KIF1B: variants seen among roughly 807,000 people sequenced by gnomAD.
KIF1B encodes kinesin family member 1B.
Under a neutral mutation model 241.9 loss-of-function variants are expected in KIF1B, and 76 were observed. The observed-to-expected ratio is 0.31, with a 90% CI of 0.26 to 0.38. The LOEUF (loss-of-function observed/expected upper bound fraction) is 0.38, where lower values mean the gene tolerates loss of function less well. Among genes scored for constraint, KIF1B ranks in the 10% least tolerant of loss-of-function variants. The pLI, the probability that KIF1B is intolerant of heterozygous loss-of-function variation, is 1.00. For synonymous variants in KIF1B, 750 were observed against 796.7 expected (o/e 0.94, Z 0.99); for missense variants, 1,622 against 2,271.4 (o/e 0.71, Z 5.81).
rs1557644253 is a variant in KIF1B at position 10,220,405 on chromosome 1, A to AGATAGATAGAT, written c.-80+9528_-80+9538dup. 9.3e-3 allele frequency among the ~76,000 whole-genome samples: 1,279 copies of AGATAGATAGAT among 137,456 alleles called. 9 individuals are homozygous for AGATAGATAGAT. The highest frequency in any genetic ancestry group is 0.037 in the Middle Eastern group (10 of 272). The allele number at this position is 137,456 out of a possible 152,430, so 90.2% of individuals were successfully genotyped here. ...ATAGATAGATAGATAGATGATAGAT[A>AGATAGATAGAT]GATAGATAGATAGATAGATAGATAG... On this transcript the variant is annotated intron_variant, in intron 1 of 48. Transcript: ENST00000676179.
chr1:10,365,511 C>T lies in KIF1B; in HGVS notation c.4615C>T (p.Leu1539Phe), dbSNP rs779853806. Residue 1539 changes from leucine (L) to phenylalanine (F), a missense_variant, in exon 43 of 49, where the codon CTC becomes TTC. Physicochemically the swap from Leu to Phe is conservative, Grantham distance 22. Coordinates refer to ENST00000676179, the MANE Select transcript of KIF1B (RefSeq NM_001365951.3). The surrounding 1 kb of genome is among the most constrained non-coding windows in gnomAD (Gnocchi z 4.0). ...ATCCCCCAGCCTCAGCAGTGGGACC[C>T]TCAGCACCTCCACCAGTATCTCCTC... ...SLSPSLSSGT[L>F]STSTSISSQI... The T allele has an allele frequency of 1.9e-6, 3 of 1,614,144 alleles. No individual in the cohort carries two copies. Among genetic ancestry groups the T allele is most frequent in the Non-Finnish European group, 2.5e-6 (3 of 1,180,034 alleles).
chr1:10,301,912 C>T (rs1233368369), intron 22 of KIF1B, among the ~76,000 whole-genome samples: 3 of 152,136 alleles, frequency 2.0e-5, no homozygotes, highest in Non-Finnish European at 4.4e-5. Context: ...GTTGTGAAGT[C>T]AGGCTGCTGT....
intron 2 of KIF1B, among the ~76,000 whole-genome samples, chr1:10,236,145 G>A (rs1358627095): frequency 2.0e-5 from 3 of 151,616 alleles, no homozygotes; most frequent in East Asian, 1.9e-4. Flanking sequence ...GGTGATGCGC[G>A]CCTGTAGTCC....
chr1:10,309,241 C>G (rs1206836132), intron 22 of KIF1B, among the ~76,000 whole-genome samples: 1 of 152,176 alleles, frequency 6.6e-6, no homozygotes, highest in African/African-American at 2.4e-5. Context: ...AAATCTGAAA[C>G]TTTAGAGAAG....
At chr1:10,301,554 T>C (rs546008598) in intron 22 of KIF1B, among the ~76,000 whole-genome samples, 79 of 152,048 alleles carry the variant, frequency 5.2e-4, no homozygotes, top group African/African-American at 1.7e-3. Context: ...TAGTCCCAGC[T>C]ACTCGGGAGG....
rs1423473073 is a variant in KIF1B at position 10,326,624 on chromosome 1, C to G, written c.2924+265C>G. 2.6e-5 allele frequency among the ~76,000 whole-genome samples: 4 copies of G among 152,086 alleles called. No individual in the cohort carries two copies. In the East Asian group the frequency reaches 7.7e-4, roughly 29 times the overall value. ...TGGAAGACACCTTGTCTTAAATTGC[C>G]CAGTAATTTTGTTCTGAAGAAGGGA... On this transcript the variant is annotated intron_variant, in intron 27 of 48. Transcript: ENST00000676179. The surrounding 1 kb of genome is among the most constrained non-coding windows in gnomAD (Gnocchi z 5.2).
chr1:10,255,830 A>C (rs917249237), intron 2 of KIF1B, among the ~76,000 whole-genome samples: 23 of 152,136 alleles, frequency 1.5e-4, no homozygotes, highest in African/African-American at 5.3e-4. Flanking sequence ...CGGGTCTCAA[A>C]ATAGGCTGGG....
intron 2 of KIF1B, among the ~76,000 whole-genome samples, chr1:10,236,860 T>C (rs935957523): frequency 6.6e-6 from 1 of 152,098 alleles, no homozygotes; most frequent in Non-Finnish European, 1.5e-5. Context: ...CCATTGGGCT[T>C]AGAATGGAAG....
At position 10,361,750 on chromosome 1, in the gene KIF1B, C is replaced by T; in HGVS notation, c.4229C>T (p.Ser1410Phe). The T allele has an allele frequency of 6.2e-7, 1 of 1,614,104 alleles. No individual in the cohort carries two copies. The highest frequency in any genetic ancestry group is 1.1e-5 in the South Asian group (1 of 91,074). Reference protein sequence around the residue: ...ITKDVCMVFYSRDAKISPPRS... With the variant: ...ITKDVCMVFYFRDAKISPPRS... The stretch of plus-strand genomic sequence containing the variant: ...AAGGATGTGTGCATGGTCTTCTACT[C>T]CCGAGATGCCAAGATCTCACCACCA... Residue 1410 changes from serine to phenylalanine, a missense_variant, in exon 40 of 49, where the codon TCC (serine) becomes TTC (phenylalanine). Coordinates refer to ENST00000676179, the MANE Select transcript of KIF1B (RefSeq NM_001365951.3).
chr1:10,324,653 CTTTT>C, intron 25 of KIF1B, 101 bp from the exon 26 acceptor site: 2 of 1,145,352 alleles, frequency 1.7e-6, no homozygotes, highest in Non-Finnish European at 2.5e-6. Flanking sequence ...GGAGCAACTC[CTTTT>C]TTTTTTTTTG....
At chr1:10,278,243 T>C in intron 13 of KIF1B, 115 bp downstream of exon 13, 1 of 1,110,472 alleles carries the variant, frequency 9.0e-7, no homozygotes, top group Non-Finnish European at 1.3e-6. Context: ...AGCTAAATGG[T>C]AGTGAAAATG....
At chr1:10,351,972 C>A (rs1178950623) in intron 37 of KIF1B, among the ~76,000 whole-genome samples, 16 of 145,444 alleles carry the variant, frequency 1.1e-4, no homozygotes, top group African/African-American at 3.8e-4. Flanking sequence ...GACATTGTTT[C>A]AAAAAAAAAA....
intron 1 of KIF1B, among the ~76,000 whole-genome samples, chr1:10,214,763 A>G (rs1257015814): frequency 6.6e-6 from 1 of 151,380 alleles, no homozygotes; most frequent in East Asian, 1.9e-4. Flanking sequence ...TTGTATTTTT[A>G]GTAGAGACGG....
chr1:10,228,716 C>CA (rs1646941688), intron 1 of KIF1B, among the ~76,000 whole-genome samples: 1 of 151,966 alleles, frequency 6.6e-6, no homozygotes, highest in South Asian at 2.1e-4. Flanking sequence ...ACTAAAAGCC[C>CA]AAAGAACAGT....
intron 2 of KIF1B, among the ~76,000 whole-genome samples, chr1:10,245,073 A>C (rs1647191409): frequency 6.6e-6 from 1 of 152,198 alleles, no homozygotes; most frequent in South Asian, 2.1e-4. Context: ...TTGCAGGCAA[A>C]ATCTTTAGTA....
rs146466724 is a variant in KIF1B, at chr1:10,216,611, C to G, written c.-80+5733C>G. On this transcript the variant is annotated intron_variant, in intron 1 of 48. Coordinates refer to ENST00000676179, the MANE Select transcript of KIF1B (RefSeq NM_001365951.3). The stretch of plus-strand genomic sequence containing the variant: ...CCACAATTAATGTGTAGTCCGAGGT[C>G]TCCCTTAAATCTGTCTTTGGTCCCT... Among the ~76,000 whole-genome samples the G allele has an allele frequency of 7.9e-5, 12 of 152,090 alleles. No homozygotes were observed. The East Asian group carries it at 1.9e-3, about 25-fold the overall frequency.
At chr1:10,308,786 C>T (rs574766662) in intron 22 of KIF1B, among the ~76,000 whole-genome samples, 2 of 152,212 alleles carry the variant, frequency 1.3e-5, no homozygotes, top group South Asian at 4.1e-4. Flanking sequence ...TTCTGTTTAA[C>T]AAAATTCTAT....
At chr1:10,308,424 T>C (rs946177871) in intron 22 of KIF1B, 3 of 1,044,482 alleles carry the variant, frequency 2.9e-6, no homozygotes, top group Non-Finnish European at 3.5e-6. Context: ...AATGAAGTTT[T>C]GAATCTTCTT....
Position 10,337,600 on chromosome 1 carries a change from A to G in KIF1B, c.3422+67A>G. ...CGAGGTGACATCTCTTGTGCACTGT[A>G]GAGTGCTTTACATGTGTGAGGGATT... On this transcript the variant is annotated intron_variant, in intron 31 of 48. Transcript: ENST00000676179. The surrounding 1 kb of genome is among the most constrained non-coding windows in gnomAD (Gnocchi z 4.0). 2 of 1,549,712 alleles carry G rather than the reference A, an allele frequency of 1.3e-6. No homozygotes were observed. Among genetic ancestry groups the G allele is most frequent in the African/African-American group, 1.4e-5 (1 of 73,638 alleles).
Sources: allele counts gnomAD v4.1 joint callset (sites outside exome capture counted in the v4.1 genomes callset), GRCh38; gene constraint gnomAD v4.1.1; non-coding constraint Gnocchi (gnomAD v3.1); transcripts MANE v1.5; gene names NCBI Gene and HGNC (gene_info 2026-07-23, HGNC 2026-07-21).